Variants in TNS3 observed in about 807,000 individuals in gnomAD.
The protein encoded by TNS3 is tensin-3.
TNS3 carries 45 observed loss-of-function variants against 140.9 expected under a neutral mutation model. The observed-to-expected ratio is 0.32, with a 90% CI of 0.25 to 0.41. The LOEUF is 0.41. Among genes scored for constraint, TNS3 ranks in the 10% least tolerant of loss-of-function variants. TNS3 has a pLI of 1.00. For missense variants in TNS3, 1,716 were observed against 1,906.7 expected, an observed-to-expected ratio of 0.90 and a Z score of 1.86; for synonymous variants, 815 against 788.4, an observed-to-expected ratio of 1.03 and a Z score of -0.56.
At chr7:47,484,007 G>A (rs1309899806) in intron 3 of TNS3, among the ~76,000 whole-genome samples, 2 of 152,218 alleles carry the variant, frequency 1.3e-5, no homozygotes, top group African/African-American at 4.8e-5. Context: ...AAAGTGAGCT[G>A]GGGAACAGTA....
At chr7:47,533,304 G>A (rs1332642946) in intron 1 of TNS3, among the ~76,000 whole-genome samples, 2 of 150,146 alleles carry the variant, frequency 1.3e-5, no homozygotes, top group African/African-American at 4.9e-5. Context: ...GCTAATTTTT[G>A]TATTTTTAGT....
intron 27 of TNS3, among the ~76,000 whole-genome samples, chr7:47,286,598 T>C (rs756914563): frequency 2.0e-5 from 3 of 152,140 alleles, no homozygotes; most frequent in Admixed American, 6.5e-5. Context: ...TGTCAATTGC[T>C]AGGCTACTCT....
chr7:47,516,520 C>T (rs889505729), intron 2 of TNS3, among the ~76,000 whole-genome samples: 22 of 152,280 alleles, frequency 1.4e-4, no homozygotes, highest in South Asian at 4.1e-4. Flanking sequence ...ACTATCAGGA[C>T]CCCATCTCAA....
chr7:47,582,332 C>G (rs1407885157), upstream of TNS3: 1 of 426,356 alleles, frequency 2.3e-6, no homozygotes, highest in African/African-American at 2.0e-5. Context: ...CTTCGCTGGC[C>G]GCAGAGAGGA....
intron 17 of TNS3, among the ~76,000 whole-genome samples, chr7:47,357,148 T>G (rs1225938456): frequency 6.6e-6 from 1 of 152,164 alleles, no homozygotes; most frequent in African/African-American, 2.4e-5. Context: ...CATGACATGC[T>G]AGAACATTAC....
At chr7:47,404,251 T>C (rs1793320254) in intron 13 of TNS3, among the ~76,000 whole-genome samples, 1 of 152,312 alleles carries the variant, frequency 6.6e-6, no homozygotes, top group Admixed American at 6.5e-5. Flanking sequence ...CACAAATCGC[T>C]GGGAGCACTC....
chr7:47,325,911 C>T (rs569214010), intron 20 of TNS3, among the ~76,000 whole-genome samples: 34 of 152,228 alleles, frequency 2.2e-4, no homozygotes, highest in African/African-American at 4.8e-4. Context: ...GGTCAAAGTG[C>T]GCAGCAGTTA....
intron 24 of TNS3, 79 bp from the exon 25 acceptor site, chr7:47,293,907 C>G (rs557603201): frequency 1.4e-5 from 18 of 1,326,312 alleles, no homozygotes; most frequent in Admixed American, 1.8e-5. Context: ...AACATAAAAG[C>G]CAGGAGCTAC....
intron 1 of TNS3, among the ~76,000 whole-genome samples, chr7:47,554,143 G>T (rs963836512): frequency 6.7e-6 from 1 of 149,966 alleles, no homozygotes; most frequent in Non-Finnish European, 1.5e-5. Context: ...TTTGGGCCAG[G>T]TACAGTGGCT....
chr7:47,280,439 C>T (rs1785083649), intron 28 of TNS3, 85 bp from the exon 29 acceptor site: 2 of 1,175,546 alleles, frequency 1.7e-6, no homozygotes, highest in African/African-American at 1.5e-5. Context: ...CTCTCCCATA[C>T]ATGAAGATTC....
At chr7:47,356,713 G>C (rs2151064490) in intron 17 of TNS3, among the ~76,000 whole-genome samples, 1 of 152,284 alleles carries the variant, frequency 6.6e-6, no homozygotes, top group East Asian at 1.9e-4. Context: ...CCTATGTATA[G>C]ATATAACAAA....
At chr7:47,379,409 T>C (rs1791613306) in intron 16 of TNS3, among the ~76,000 whole-genome samples, 1 of 152,240 alleles carries the variant, frequency 6.6e-6, no homozygotes, top group East Asian at 1.9e-4. Context: ...TCTGACTCTT[T>C]GCTAATTAAT....
At chr7:47,481,831 G>T in intron 3 of TNS3, 1 of 306,214 alleles carries the variant, frequency 3.3e-6, no homozygotes, top group Non-Finnish European at 4.8e-6. Flanking sequence ...GCAGGGCAAA[G>T]ACCCCACCTT....
intron 1 of TNS3, among the ~76,000 whole-genome samples, chr7:47,530,823 C>CAAAAAAAAAAAAAAAAAAAAA (rs781707373): frequency 2.2e-5 from 1 of 45,012 alleles, no homozygotes; most frequent in Non-Finnish European, 4.1e-5. Context: ...AACTCCATCT[C>CAAAAAAAAAAAAAAAAAAAAA]AAAAAAAAAA....
intron 16 of TNS3, among the ~76,000 whole-genome samples, chr7:47,375,577 G>A (rs549938785): frequency 3.3e-5 from 5 of 152,286 alleles, no homozygotes; most frequent in South Asian, 2.1e-4. Flanking sequence ...CTACTGAAAC[G>A]TGGCTTTCCC....
intron 11 of TNS3, 44 bp from the exon 12 acceptor site, chr7:47,414,041 G>A (rs755541119): frequency 2.5e-6 from 4 of 1,597,540 alleles, no homozygotes; most frequent in African/African-American, 2.7e-5. Context: ...GACCGGTACA[G>A]AACGAACAGG....
intron 4 of TNS3, among the ~76,000 whole-genome samples, chr7:47,455,790 C>T (rs1412579976): frequency 6.6e-6 from 1 of 152,230 alleles, no homozygotes; most frequent in African/African-American, 2.4e-5. Context: ...TCCATCAGGG[C>T]AGCTCTTGGG....
rs566932303 is a variant in TNS3 at position 47,453,214 on chromosome 7, G to A, written c.-75-11159C>T. On this transcript the variant is annotated intron_variant, in intron 4 of 30. Transcript: ENST00000311160. ...GGAGCTCACAGGACAATGTCCGCCC[G>A]GGGCTGAGGGCCAGCCTGCCGAGGG... The A allele has an allele frequency of 1.1e-4, 111 of 985,594 alleles. No individual in the cohort carries two copies. In the African/African-American group the frequency reaches 1.7e-3, roughly 15 times the overall value. 61.1% of individuals were successfully genotyped at this position (985,594 alleles called of 1,614,324 possible). A position where few individuals can be genotyped will look rare whatever the true frequency, so the allele number is the denominator to read the frequency against.
At chr7:47,452,808 T>C (rs1796076164) in intron 4 of TNS3, 2 of 540,192 alleles carry the variant, frequency 3.7e-6, no homozygotes, top group Non-Finnish European at 4.7e-6. Context: ...GAAAAATGAC[T>C]TGGAAATGCC....
Sources: gnomAD v4.1 joint callset for allele counts (sites outside exome capture counted in the v4.1 genomes callset) on GRCh38, gnomAD v4.1.1 for gene constraint, MANE v1.5 for transcripts, NCBI Gene and HGNC (gene_info 2026-07-23, HGNC 2026-07-21) for gene names.